Variants in CAMK4 observed in about 807,000 individuals in gnomAD.
CAMK4 encodes the protein calcium/calmodulin dependent protein kinase IV.
CAMK4 carries 22 observed loss-of-function variants against 44.9 expected under a neutral mutation model. The ratio of observed to expected loss-of-function variants is 0.49; its 90% CI spans 0.35 to 0.70. CAMK4 has a LOEUF of 0.70. CAMK4 is among the 30% of genes least tolerant of loss of function. CAMK4 has a pLI of 0.01. For missense variants in CAMK4, 498 were observed against 586.8 expected, an observed-to-expected ratio of 0.85 and a Z score of 1.56; for synonymous variants, 218 against 215.4, an observed-to-expected ratio of 1.01 and a Z score of -0.11.
At chr5:111,456,558 A>C (rs1234933939) in intron 7 of CAMK4, among the ~76,000 whole-genome samples, 1 of 152,028 alleles carries the variant, frequency 6.6e-6, no homozygotes, top group Non-Finnish European at 1.5e-5. Context: ...ATGGTTCTAA[A>C]CTTTATTGTT....
chr5:111,451,208 A>G (rs1754219744), intron 7 of CAMK4, among the ~76,000 whole-genome samples: 1 of 152,144 alleles, frequency 6.6e-6, no homozygotes. Flanking sequence ...CAGGTATCCA[A>G]GGGCCTAAAA....
intron 1 of CAMK4, among the ~76,000 whole-genome samples, chr5:111,287,327 T>A (rs1751278745): frequency 6.6e-6 from 1 of 152,114 alleles, no homozygotes; most frequent in Non-Finnish European, 1.5e-5. Context: ...CAGAGAAAGT[T>A]AATAATATGG....
At chr5:111,286,685 A>C (rs1414906034) in intron 1 of CAMK4, among the ~76,000 whole-genome samples, 1 of 152,196 alleles carries the variant, frequency 6.6e-6, no homozygotes, top group Non-Finnish European at 1.5e-5. Context: ...TGCTATAAAG[A>C]CTTTATTAAA....
At chr5:111,349,136 A>G (rs7731494) in intron 2 of CAMK4, among the ~76,000 whole-genome samples, 1 of 151,960 alleles carries the variant, frequency 6.6e-6, no homozygotes, top group African/African-American at 2.4e-5. Context: ...TGATTCTTGT[A>G]CTGAAGAAGT....
chr5:111,333,559 A>G (rs763894801), intron 1 of CAMK4, among the ~76,000 whole-genome samples: 5 of 151,674 alleles, frequency 3.3e-5, no homozygotes, highest in African/African-American at 4.8e-5. Context: ...AAAATTCAGC[A>G]TTTGGGTTCC....
At chr5:111,227,768 AG>A (rs1336668841) in intron 1 of CAMK4, among the ~76,000 whole-genome samples, 1 of 152,214 alleles carries the variant, frequency 6.6e-6, no homozygotes, top group Non-Finnish European at 1.5e-5. Context: ...TAAAAGTATC[AG>A]GCAAAGTAAT....
At chr5:111,300,701 C>T (rs1051063131) in intron 1 of CAMK4, among the ~76,000 whole-genome samples, 6 of 152,094 alleles carry the variant, frequency 3.9e-5, no homozygotes, top group African/African-American at 1.2e-4. Flanking sequence ...CCCATTTAAA[C>T]TTTTGCAACC....
intron 1 of CAMK4, among the ~76,000 whole-genome samples, chr5:111,265,644 C>T (rs1251755802): frequency 1.3e-5 from 2 of 152,076 alleles, no homozygotes; most frequent in African/African-American, 4.8e-5. Flanking sequence ...GATATTTACC[C>T]AATCTTCAAG....
chr5:111,353,259 G>A (rs1295018791), intron 2 of CAMK4, among the ~76,000 whole-genome samples: 1 of 151,818 alleles, frequency 6.6e-6, no homozygotes. Flanking sequence ...TCTTTGTAAG[G>A]TCAGTCTTGG....
At chr5:111,471,911 A>T (rs1393654215) in intron 7 of CAMK4, among the ~76,000 whole-genome samples, 1 of 151,490 alleles carries the variant, frequency 6.6e-6, no homozygotes, top group Non-Finnish European at 1.5e-5. Context: ...TTATTTATTT[A>T]TTTTTTGAGA....
In CAMK4 at chr5:111,409,861, AG is replaced by A. The variant is rs199936626; in HGVS notation, c.459+15080del. On this transcript the variant is annotated intron_variant, in intron 5 of 10. Transcript: ENST00000282356. ...CCAAGAAGTTCCTCATCTCCATTTG[AG>A]TCCACCTCAGCCTGGACTTTATTGT... is the stretch of plus-strand genomic sequence containing the variant. Among the ~76,000 whole-genome samples the A allele has an allele frequency of 4.6e-4, 70 of 152,314 alleles. 1 individual carries two copies. The East Asian group carries it at 0.01, about 23-fold the overall frequency.
intron 1 of CAMK4, among the ~76,000 whole-genome samples, chr5:111,276,229 T>C (rs942185110): frequency 6.6e-6 from 1 of 152,184 alleles, no homozygotes; most frequent in Non-Finnish European, 1.5e-5. Flanking sequence ...CTACCTATCC[T>C]CTAGGTCTGT....
At chr5:111,267,703 C>CAAAA (rs59699712) in intron 1 of CAMK4, among the ~76,000 whole-genome samples, 40 of 71,706 alleles carry the variant, frequency 5.6e-4, no homozygotes, top group East Asian at 1.3e-3. Flanking sequence ...GACTCCGTCT[C>CAAAA]AAAAAAAAAA....
chr5:111,482,069 A>G lies in CAMK4; in HGVS notation c.829-716A>G, dbSNP rs966108899. 3.9e-5 allele frequency: 6 copies of G among 152,080 alleles called. No individual in the cohort carries two copies. The highest frequency in any genetic ancestry group is 1.4e-4 in the African/African-American group (6 of 41,406). 9.4% of individuals were successfully genotyped at this position (152,080 alleles called of 1,614,324 possible). ...TGCCTCATATCAGGTCACCCCTACTAAGCCCAGGACTGTGGATTATTTTAT... is the reference window on the plus strand; with the variant it reads ...TGCCTCATATCAGGTCACCCCTACTGAGCCCAGGACTGTGGATTATTTTAT... On this transcript the variant is annotated intron_variant, in intron 9 of 10. Coordinates refer to ENST00000282356, the MANE Select transcript of CAMK4 (RefSeq NM_001744.6). The surrounding 1 kb of genome is among the most constrained non-coding windows in gnomAD (Gnocchi z 4.9).
chr5:111,426,692 G>A (rs965456404), intron 5 of CAMK4, among the ~76,000 whole-genome samples: 1 of 152,172 alleles, frequency 6.6e-6, no homozygotes, highest in African/African-American at 2.4e-5. Context: ...TCTGGGTGCT[G>A]GGGGAGGGAG....
chr5:111,386,786 G>T (rs1001555026), intron 4 of CAMK4, among the ~76,000 whole-genome samples: 2 of 152,248 alleles, frequency 1.3e-5, no homozygotes, highest in Non-Finnish European at 2.9e-5. Context: ...GAAGCCAGAC[G>T]CTTTCAGTGG....
At chr5:111,421,426 G>A (rs2112918147) in intron 5 of CAMK4, among the ~76,000 whole-genome samples, 1 of 152,178 alleles carries the variant, frequency 6.6e-6, no homozygotes, top group African/African-American at 2.4e-5. Flanking sequence ...GTTTCATTTG[G>A]GCAGGGCAAT....
chr5:111,237,887 C>A (rs1748802732), intron 1 of CAMK4, among the ~76,000 whole-genome samples: 1 of 152,220 alleles, frequency 6.6e-6, no homozygotes, highest in South Asian at 2.1e-4. Flanking sequence ...TAAAAGCCAT[C>A]TACTGAAATG....
chr5:111,276,161 T>G (rs1465131674), intron 1 of CAMK4, among the ~76,000 whole-genome samples: 1 of 152,228 alleles, frequency 6.6e-6, no homozygotes, highest in East Asian at 1.9e-4. Flanking sequence ...CCCTCCAGTC[T>G]GCTGTATCTA....
Sources: allele counts gnomAD v4.1 joint callset (sites outside exome capture counted in the v4.1 genomes callset), GRCh38; gene constraint gnomAD v4.1.1; non-coding constraint Gnocchi (gnomAD v3.1); transcripts MANE v1.5; gene names NCBI Gene and HGNC (gene_info 2026-07-23, HGNC 2026-07-21).